The following DMD variants were observed in gnomAD, a reference collection of about 807,000 sequenced individuals.
DMD encodes the protein mutant dystrophin.
A neutral mutation model predicts 330.1 loss-of-function variants in DMD; 63 were observed. The observed-to-expected ratio is 0.19, with a 90% confidence interval of 0.16 to 0.24. The LOEUF (loss-of-function observed/expected upper bound fraction) is 0.24. Ranked by LOEUF, DMD falls within the 10% of genes least tolerant of loss-of-function variation. The pLI, the probability that DMD is intolerant of heterozygous loss-of-function variation, is 1.00. For synonymous variants in DMD, 1,223 were observed against 959.8 expected (o/e 1.27, Z -5.07); for missense variants, 3,344 against 2,684.1 (o/e 1.25, Z -5.43).
At chrX:31,890,307 G>T (rs775157908) in intron 47 of DMD, among the ~76,000 whole-genome samples, 15 of 101,667 alleles carry the variant, frequency 1.5e-4, no homozygotes, top group Non-Finnish European at 3.0e-4. Context: ...CCAGGAGTTG[G>T]ATACCAGCCT....
At chrX:33,076,208 C>T (rs112727748) in intron 1 of DMD, among the ~76,000 whole-genome samples, 1,250 of 111,265 alleles carry the variant, frequency 0.011, 21 homozygotes, top group African/African-American at 0.04. Flanking sequence ...ATCATTACTT[C>T]TGACCACTGG....
intron 1 of DMD, among the ~76,000 whole-genome samples, chrX:33,219,306 T>TTGTGTGTGTGTGTGTGTGTGTGTGTG (rs56332488): frequency 1.4e-5 from 1 of 72,976 alleles, no homozygotes; most frequent in Admixed American, 1.7e-4. Flanking sequence ...TTAGAGATTA[T>TTGTGTGTGTGTGTGTGTGTGTGTGTG]TGTGTGTGTG....
At chrX:31,493,944 G>T (rs980664418) in intron 57 of DMD, among the ~76,000 whole-genome samples, 1 of 110,993 alleles carries the variant, frequency 9.0e-6, no homozygotes, top group African/African-American at 3.3e-5. Flanking sequence ...CAGATCACGA[G>T]GTCAAGAGAT....
chrX:32,583,313 T>G (rs752451732), intron 13 of DMD, among the ~76,000 whole-genome samples: 40 of 111,168 alleles, frequency 3.6e-4, no homozygotes, highest in South Asian at 7.6e-4. Context: ...CTGACCAACA[T>G]GGTGAAACCC....
chrX:31,296,884 C>A (rs1462970322), intron 62 of DMD, among the ~76,000 whole-genome samples: 1 of 111,655 alleles, frequency 9.0e-6, no homozygotes, highest in African/African-American at 3.3e-5. Flanking sequence ...AATTTTGGAA[C>A]AATAGACATC....
chrX:32,955,655 GT>G (rs1483856504), intron 2 of DMD, among the ~76,000 whole-genome samples: 3 of 111,593 alleles, frequency 2.7e-5, no homozygotes, highest in Admixed American at 1.9e-4. Flanking sequence ...GTCTTCCAGG[GT>G]TTTTATAGTT....
chrX:32,651,720 G>A (rs1432754744), intron 9 of DMD, among the ~76,000 whole-genome samples: 1 of 111,421 alleles, frequency 9.0e-6, no homozygotes, highest in Non-Finnish European at 1.9e-5. Context: ...ATTTCACACT[G>A]CATGTCTGTA....
intron 59 of DMD, among the ~76,000 whole-genome samples, chrX:31,474,721 ATAAAAT>A (rs2067617046): frequency 1.0e-5 from 1 of 99,468 alleles, no homozygotes; most frequent in Non-Finnish European, 2.0e-5. Context: ...AAAAAATAAA[ATAAAAT>A]AAAATAAAAT....
intron 55 of DMD, among the ~76,000 whole-genome samples, chrX:31,560,175 T>C (rs1271455604): frequency 8.9e-6 from 1 of 112,056 alleles, no homozygotes; most frequent in African/African-American, 3.2e-5. Context: ...TTTCAAGGCT[T>C]GTGCATGCAG....
At chrX:32,553,903 G>A (rs920886737) in intron 16 of DMD, among the ~76,000 whole-genome samples, 1 of 111,407 alleles carries the variant, frequency 9.0e-6, no homozygotes, top group African/African-American at 3.3e-5. Flanking sequence ...GGCAACCCTT[G>A]CCAGATCGTG....
intron 16 of DMD, among the ~76,000 whole-genome samples, chrX:32,561,746 TCTC>T (rs2051039541): frequency 1.8e-5 from 2 of 111,185 alleles, no homozygotes; most frequent in African/African-American, 3.3e-5. Flanking sequence ...ATCATACAAT[TCTC>T]CAGGTTTAAA....
At chrX:31,330,540 A>G (rs1364602074) in intron 61 of DMD, among the ~76,000 whole-genome samples, 1 of 111,980 alleles carries the variant, frequency 8.9e-6, no homozygotes, top group African/African-American at 3.2e-5. Context: ...GTGTATAAAA[A>G]GAGGAAAACA....
intron 30 of DMD, among the ~76,000 whole-genome samples, chrX:32,401,191 G>C (rs1371648225): frequency 1.2e-5 from 1 of 83,905 alleles, no homozygotes; most frequent in Non-Finnish European, 2.3e-5. Flanking sequence ...TGGGGTGGGG[G>C]GAGGGGGGAG....
At chrX:33,079,709 C>T (rs916244613) in intron 1 of DMD, among the ~76,000 whole-genome samples, 3 of 111,393 alleles carry the variant, frequency 2.7e-5, no homozygotes, top group Non-Finnish European at 5.6e-5. Context: ...GGAAAGTTTG[C>T]CAAATATCAA....
At chrX:31,750,729 T>C (rs1319597318) in intron 51 of DMD, among the ~76,000 whole-genome samples, 1 of 108,926 alleles carries the variant, frequency 9.2e-6, no homozygotes, top group East Asian at 2.9e-4. Flanking sequence ...GACGACATGA[T>C]TGTATATCTA....
intron 17 of DMD, among the ~76,000 whole-genome samples, chrX:32,524,177 G>T (rs1407362562): frequency 9.0e-6 from 1 of 110,660 alleles, no homozygotes; most frequent in African/African-American, 3.3e-5. Context: ...CTCTAGATCC[G>T]CCCGCCTCGG....
intron 44 of DMD, among the ~76,000 whole-genome samples, chrX:32,106,550 G>C (rs1229395662): frequency 1.8e-5 from 2 of 111,569 alleles, no homozygotes; most frequent in Non-Finnish European, 3.8e-5. Context: ...CTGAGTAGGG[G>C]ACCATAAGAA....
intron 44 of DMD, among the ~76,000 whole-genome samples, chrX:32,174,525 G>T (rs2096899403): frequency 8.9e-6 from 1 of 111,807 alleles, no homozygotes. Context: ...GTCTATGACT[G>T]CTTCAACATT....
chrX:32,668,402 TG>T (rs201529557), intron 9 of DMD, among the ~76,000 whole-genome samples: 1,157 of 112,058 alleles, frequency 0.01, 14 homozygotes, highest in African/African-American at 0.036. Flanking sequence ...GACTATTTAC[TG>T]ATGTTTTTCT....
Sources: allele counts gnomAD v4.1 joint callset (sites outside exome capture counted in the v4.1 genomes callset), GRCh38; gene constraint gnomAD v4.1.1; transcripts MANE v1.5; gene names NCBI Gene and HGNC (gene_info 2026-07-23, HGNC 2026-07-21).